PTPRJ: variants seen among roughly 807,000 people sequenced by gnomAD.
PTPRJ encodes the protein protein tyrosine phosphatase receptor type J.
In PTPRJ, 129 loss-of-function variants were observed where a neutral mutation model predicts 141.3. The ratio of observed to expected loss-of-function variants is 0.91; its 90% CI spans 0.79 to 1.06. PTPRJ has a LOEUF of 1.06. Ranked by LOEUF, PTPRJ falls within the 50% of genes least tolerant of loss-of-function variation. The pLI, the probability that PTPRJ is intolerant of heterozygous loss-of-function variation, is 0.00. For synonymous variants in PTPRJ, 610 were observed against 640.5 expected (o/e 0.95, Z 0.72); for missense variants, 1,601 against 1,679.7 (o/e 0.95, Z 0.82).
chr11:48,089,140 G>A (rs1057278108), intron 1 of PTPRJ, among the ~76,000 whole-genome samples: 5 of 152,160 alleles, frequency 3.3e-5, no homozygotes, highest in African/African-American at 4.8e-5. Context: ...GTTAAATGAC[G>A]TGAAATAAAA....
intron 1 of PTPRJ, among the ~76,000 whole-genome samples, chr11:48,013,166 A>G (rs1373306987): frequency 6.6e-6 from 1 of 151,608 alleles, no homozygotes; most frequent in Admixed American, 6.6e-5. Context: ...TGAGGGTAAC[A>G]TGAGGGTAAC....
intron 14 of PTPRJ, 26 bp from the exon 15 acceptor site, chr11:48,146,850 G>A (rs1483872368): frequency 6.3e-7 from 1 of 1,599,690 alleles, no homozygotes; most frequent in Admixed American, 1.7e-5. Flanking sequence ...ACCTCTTGAA[G>A]TGTCTCCCAT....
intron 3 of PTPRJ, among the ~76,000 whole-genome samples, chr11:48,119,851 G>A (rs778999560): frequency 6.6e-5 from 10 of 152,190 alleles, no homozygotes; most frequent in African/African-American, 1.4e-4. Flanking sequence ...AATGACTGCC[G>A]TATCACCTGG....
chr11:48,055,738 A>G (rs915266850), intron 1 of PTPRJ, among the ~76,000 whole-genome samples: 3 of 152,196 alleles, frequency 2.0e-5, no homozygotes, highest in African/African-American at 7.2e-5. Context: ...TTGGGTCCAG[A>G]AAAGGCCACT....
At chr11:48,166,033 T>G (rs1419724064) in intron 24 of PTPRJ, among the ~76,000 whole-genome samples, 4 of 149,464 alleles carry the variant, frequency 2.7e-5, no homozygotes, top group Admixed American at 2.7e-4. Context: ...GCTAATTTTT[T>G]TTTTGTATTT....
At chr11:48,122,503 A>G (rs1315580823) in intron 4 of PTPRJ, among the ~76,000 whole-genome samples, 4 of 152,170 alleles carry the variant, frequency 2.6e-5, no homozygotes, top group Admixed American at 6.5e-5. Context: ...TTTTGTCCTC[A>G]CAGTAACCCT....
At chr11:48,148,212 T>G (rs1857398345) in intron 15 of PTPRJ, among the ~76,000 whole-genome samples, 2 of 152,182 alleles carry the variant, frequency 1.3e-5, no homozygotes, top group Admixed American at 6.5e-5. Flanking sequence ...TTTTATTGTT[T>G]CTTGTTAAAA....
intron 1 of PTPRJ, among the ~76,000 whole-genome samples, chr11:48,006,166 T>C (rs554336120): frequency 2.0e-4 from 31 of 152,220 alleles, no homozygotes; most frequent in African/African-American, 7.2e-4. Flanking sequence ...GGTTGGACTC[T>C]TGGTGCAGCC....
intron 8 of PTPRJ, among the ~76,000 whole-genome samples, chr11:48,135,543 G>A (rs560089569): frequency 7.3e-6 from 1 of 137,736 alleles, no homozygotes; most frequent in South Asian, 2.4e-4. Flanking sequence ...GTGCAGTGGT[G>A]TGATATCGGC....
intron 3 of PTPRJ, among the ~76,000 whole-genome samples, chr11:48,114,429 CAAAAAAAAAAAA>C (rs71045544): frequency 1.5e-5 from 1 of 68,714 alleles, no homozygotes; most frequent in Non-Finnish European, 2.4e-5. Context: ...GACTCTGTCT[CAAAAAAAAAAAA>C]AAAAAAAAAA....
At chr11:48,076,668 G>A (rs890323242) in intron 1 of PTPRJ, among the ~76,000 whole-genome samples, 14 of 151,940 alleles carry the variant, frequency 9.2e-5, no homozygotes, top group East Asian at 3.9e-4. Context: ...ACCCTGTGGC[G>A]GTTGCATTTA....
At chr11:48,061,798 T>TATGTTCACACAACAACTCC (rs1854934227) in intron 1 of PTPRJ, among the ~76,000 whole-genome samples, 1 of 152,184 alleles carries the variant, frequency 6.6e-6, no homozygotes, top group Non-Finnish European at 1.5e-5. Context: ...CCGAATGCTT[T>TATGTTCACACAACAACTCC]ATGTTCACAC....
intron 1 of PTPRJ, among the ~76,000 whole-genome samples, chr11:47,994,173 T>C (rs1247624766): frequency 2.0e-5 from 3 of 151,536 alleles, no homozygotes; most frequent in East Asian, 1.9e-4. Flanking sequence ...TTTTTTTTTT[T>C]AATATAAAAA....
intron 14 of PTPRJ, among the ~76,000 whole-genome samples, chr11:48,146,129 G>T (rs1590556503): frequency 6.6e-6 from 1 of 152,332 alleles, no homozygotes; most frequent in South Asian, 2.1e-4. Context: ...GAGCCACTGT[G>T]CTCTGCCTGC....
intron 1 of PTPRJ, among the ~76,000 whole-genome samples, chr11:48,061,204 G>A (rs907094346): frequency 5.3e-5 from 8 of 152,114 alleles, no homozygotes; most frequent in African/African-American, 1.9e-4. Context: ...TCGAACTCCT[G>A]ACCTCAGGTG....
rs1455540951 is a variant in PTPRJ at position 47,986,244 on chromosome 11, G to C, written c.96+5236G>C. Among the ~76,000 whole-genome samples, 3 of 152,176 alleles carry C rather than the reference G, an allele frequency of 2.0e-5. No individual in the cohort carries two copies. The East Asian group carries it at 5.8e-4, about 29-fold the overall frequency. Reference sequence around the variant, plus strand: ...GTTTACAAGGCAAGTCTGCCTTTGTGGAGATAGACTGGGGTCTGGGATGGA... The same window carrying C: ...GTTTACAAGGCAAGTCTGCCTTTGTCGAGATAGACTGGGGTCTGGGATGGA... On this transcript the variant is annotated intron_variant, in intron 1 of 24. Transcript: ENST00000418331.
At chr11:48,081,630 T>TGG (rs1355272718) in intron 1 of PTPRJ, among the ~76,000 whole-genome samples, 2 of 151,814 alleles carry the variant, frequency 1.3e-5, no homozygotes, top group African/African-American at 4.8e-5. Flanking sequence ...AAAGAGAGAA[T>TGG]GGGGCCAGGC....
At chr11:48,135,886 G>C (rs961483065) in intron 8 of PTPRJ, among the ~76,000 whole-genome samples, 153 bp from the exon 9 acceptor site, 1 of 152,234 alleles carries the variant, frequency 6.6e-6, no homozygotes, top group Non-Finnish European at 1.5e-5. Flanking sequence ...CACTGAGTGT[G>C]TGCATTTCTC....
At position 48,130,505 on chromosome 11, in the gene PTPRJ, G is replaced by A. The variant is rs762725262; in HGVS notation, c.1404G>A (p.Thr468=). The A allele has an allele frequency of 8.1e-6, 13 of 1,613,572 alleles. No individual in the cohort carries two copies. Among genetic ancestry groups the A allele is most frequent in the South Asian group, 2.2e-5 (2 of 91,040 alleles). Residue 468 remains threonine, a synonymous_variant, in exon 8 of 25, where the codon ACG becomes ACA. Coordinates refer to ENST00000418331, the MANE Select transcript of PTPRJ (RefSeq NM_002843.4). ...SDFRVTVVST[T]EIGLAWSSHD... ...TCCGAGTGACAGTGGTCAGCACGAC[G>A]GAGATCGGCTTAGCATGGAGCAGCC...
Sources: gnomAD v4.1 joint callset for allele counts (sites outside exome capture counted in the v4.1 genomes callset) on GRCh38, gnomAD v4.1.1 for gene constraint, MANE v1.5 for transcripts, NCBI Gene and HGNC (gene_info 2026-07-23, HGNC 2026-07-21) for gene names.